C1GALT1: variants seen among roughly 807,000 people sequenced by gnomAD.
The protein encoded by C1GALT1 is glycoprotein-N-acetylgalactosamine 3-beta-galactosyltransferase 1.
C1GALT1 carries 11 observed loss-of-function variants against 31.0 expected under a neutral mutation model. The observed-to-expected ratio is 0.36, with a 90% CI of 0.22 to 0.59. C1GALT1 has a LOEUF of 0.59. C1GALT1 is among the 20% of genes least tolerant of loss of function. The pLI is 0.79. For synonymous variants in C1GALT1, 175 were observed against 143.6 expected (o/e 1.22, Z -1.56); for missense variants, 424 against 425.2 (o/e 1.00, Z 0.03).
In C1GALT1 at chr7:7,227,465, A is replaced by G. The variant is rs532424322; in HGVS notation, c.-17-6838A>G. Among the ~76,000 whole-genome samples, 446 of 152,310 alleles carry G rather than the reference A, an allele frequency of 2.9e-3. 3 individuals carry two copies. The highest frequency in any genetic ancestry group is 0.01 in the African/African-American group (421 of 41,566). The stretch of plus-strand genomic sequence containing the variant: ...GCCGGGCGCGGTGGCTCACGCCTGT[A>G]ATCCCAGCACTTTGGGAGGCCGAGG... On this transcript the variant is annotated intron_variant, in intron 1 of 3. Coordinates refer to ENST00000436587, the MANE Select transcript of C1GALT1 (RefSeq NM_020156.5).
chr7:7,204,644 AG>A (rs1781659133), intron 1 of C1GALT1, among the ~76,000 whole-genome samples: 1 of 152,110 alleles, frequency 6.6e-6, no homozygotes, highest in Non-Finnish European at 1.5e-5. Context: ...TTGTAAAAAT[AG>A]GTTCTTGAAT....
intron 2 of C1GALT1, among the ~76,000 whole-genome samples, chr7:7,160,887 A>C (rs1267387107): frequency 1.3e-5 from 2 of 151,986 alleles, no homozygotes; most frequent in African/African-American, 2.4e-5. Flanking sequence ...AAAACCTTAG[A>C]ACTATACACA....
intron 2 of C1GALT1, among the ~76,000 whole-genome samples, chr7:7,171,936 A>G (rs552987424): frequency 6.6e-6 from 1 of 152,112 alleles, no homozygotes; most frequent in Non-Finnish European, 1.5e-5. Context: ...CCCCAACAGG[A>G]GATTTATTAT....
intron 2 of C1GALT1, among the ~76,000 whole-genome samples, chr7:7,165,171 C>T (rs916770563): frequency 1.3e-5 from 2 of 152,096 alleles, no homozygotes; most frequent in Admixed American, 6.6e-5. Context: ...GGCCAGATAA[C>T]TGAAAGACAG....
intron 1 of C1GALT1, among the ~76,000 whole-genome samples, chr7:7,186,920 C>G (rs1780840880): frequency 6.6e-6 from 1 of 152,114 alleles, no homozygotes; most frequent in African/African-American, 2.4e-5. Flanking sequence ...TTTTGGCTCT[C>G]TAAGATTAGG....
At chr7:7,211,377 C>G (rs1461967580) in intron 1 of C1GALT1, among the ~76,000 whole-genome samples, 1 of 152,168 alleles carries the variant, frequency 6.6e-6, no homozygotes, top group Middle Eastern at 3.2e-3. Flanking sequence ...AGATTTTTCT[C>G]TACTTTACTA....
chr7:7,167,963 T>C (rs1340960728), intron 2 of C1GALT1, among the ~76,000 whole-genome samples: 3 of 152,194 alleles, frequency 2.0e-5, no homozygotes, highest in African/African-American at 7.2e-5. Context: ...TAAATTTTCT[T>C]TCAAAGAAAG....
At chr7:7,196,326 T>C (rs1562566174) in intron 1 of C1GALT1, among the ~76,000 whole-genome samples, 1 of 151,952 alleles carries the variant, frequency 6.6e-6, no homozygotes, top group African/African-American at 2.4e-5. Flanking sequence ...TGGTTTTCTG[T>C]CCTTGCGATG....
intron 1 of C1GALT1, among the ~76,000 whole-genome samples, chr7:7,215,261 C>T (rs1782182249): frequency 6.6e-6 from 1 of 152,148 alleles, no homozygotes; most frequent in Admixed American, 6.5e-5. Flanking sequence ...TTGACAGAAC[C>T]ATACAGAAAG....
chr7:7,235,756 CTCTAT>C (rs1233600524), intron 2 of C1GALT1, among the ~76,000 whole-genome samples: 15 of 152,320 alleles, frequency 9.8e-5, no homozygotes, highest in African/African-American at 3.6e-4. Context: ...GCTCTTCCTC[CTCTAT>C]TCTTTCTTTT....
intron 1 of C1GALT1, among the ~76,000 whole-genome samples, chr7:7,187,503 G>A (rs1182912581): frequency 1.3e-5 from 2 of 152,070 alleles, no homozygotes; most frequent in African/African-American, 4.8e-5. Context: ...TAGTGGAGAG[G>A]TTGTTACCTG....
At chr7:7,233,358 A>G (rs1443226817) in intron 1 of C1GALT1, among the ~76,000 whole-genome samples, 3 of 152,008 alleles carry the variant, frequency 2.0e-5, no homozygotes, top group African/African-American at 7.2e-5. Context: ...CCGCCTTCTG[A>G]GTTCAAGTGA....
At chr7:7,164,646 C>T (rs942639090) in intron 2 of C1GALT1, among the ~76,000 whole-genome samples, 3 of 152,064 alleles carry the variant, frequency 2.0e-5, no homozygotes, top group Non-Finnish European at 2.9e-5. Context: ...GTCAACCCGA[C>T]GAGGAACTCT....
intron 1 of C1GALT1, among the ~76,000 whole-genome samples, chr7:7,224,620 C>T (rs371066741): frequency 5.9e-5 from 9 of 152,024 alleles, no homozygotes; most frequent in African/African-American, 1.7e-4. Flanking sequence ...CAAATTTATA[C>T]GTGTAGAGTT....
chr7:7,221,893 A>G (rs1347948830), intron 1 of C1GALT1, among the ~76,000 whole-genome samples: 1 of 152,158 alleles, frequency 6.6e-6, no homozygotes, highest in Non-Finnish European at 1.5e-5. Flanking sequence ...AAGTGTCTGG[A>G]AAATTTGCTT....
At chr7:7,242,210 CTTTTTTT>C (rs79025784) in intron 3 of C1GALT1, among the ~76,000 whole-genome samples, 2 of 132,286 alleles carry the variant, frequency 1.5e-5, no homozygotes, top group African/African-American at 5.3e-5. Flanking sequence ...TGAAATTTCA[CTTTTTTT>C]TTTTTTTTTT....
intron 1 of C1GALT1, among the ~76,000 whole-genome samples, chr7:7,185,106 TAAAG>T (rs1185757197): frequency 6.6e-6 from 1 of 151,956 alleles, no homozygotes; most frequent in Non-Finnish European, 1.5e-5. Flanking sequence ...AAAAAATATA[TAAAG>T]AAACTGGTGT....
chr7:7,204,732 A>G (rs576880364), intron 1 of C1GALT1, among the ~76,000 whole-genome samples: 2 of 151,830 alleles, frequency 1.3e-5, no homozygotes, highest in East Asian at 3.9e-4. Flanking sequence ...TGTCCCATAA[A>G]TTTTCTTATG....
intron 2 of C1GALT1, among the ~76,000 whole-genome samples, chr7:7,159,407 A>G (rs1156791216): frequency 6.6e-6 from 1 of 152,116 alleles, no homozygotes; most frequent in East Asian, 1.9e-4. Context: ...GCAAAGAAAA[A>G]GAAGGAAAGA....
Sources: gnomAD v4.1 joint callset for allele counts (sites outside exome capture counted in the v4.1 genomes callset) on GRCh38, gnomAD v4.1.1 for gene constraint, MANE v1.5 for transcripts, NCBI Gene and HGNC (gene_info 2026-07-23, HGNC 2026-07-21) for gene names.